The following GNAL variants were observed in gnomAD, a reference collection of about 807,000 sequenced individuals.
The protein encoded by GNAL is guanine nucleotide-binding protein G(olf) subunit alpha.
GNAL carries 18 observed loss-of-function variants against 55.1 expected under a neutral mutation model. The observed-to-expected ratio is 0.33, with a 90% confidence interval of 0.23 to 0.48. The LOEUF is 0.48. Among genes scored for constraint, GNAL ranks in the 20% least tolerant of loss-of-function variants. GNAL has a pLI of 0.99. For missense variants in GNAL, 412 were observed against 614.1 expected (o/e 0.67, Z 3.48); for synonymous variants, 253 against 237.0 (o/e 1.07, Z -0.62).
intron 4 of GNAL, among the ~76,000 whole-genome samples, chr18:11,758,896 G>C (rs903356135): frequency 6.6e-6 from 1 of 152,212 alleles, no homozygotes; most frequent in Non-Finnish European, 1.5e-5. Context: ...AAATAGGCCG[G>C]GCATGGTGGC....
intron 5 of GNAL, among the ~76,000 whole-genome samples, chr18:11,860,957 C>T (rs1231185656): frequency 1.3e-5 from 2 of 152,160 alleles, no homozygotes; most frequent in Non-Finnish European, 2.9e-5. Context: ...TGTGGGGTGG[C>T]GTTTTGTGTT....
At chr18:11,708,121 T>G (rs2031756443) in intron 1 of GNAL, among the ~76,000 whole-genome samples, 1 of 152,242 alleles carries the variant, frequency 6.6e-6, no homozygotes, top group Non-Finnish European at 1.5e-5. Context: ...TCAAGAAGTC[T>G]CTCTTGGCAT....
intron 4 of GNAL, among the ~76,000 whole-genome samples, chr18:11,805,200 A>C (rs4797582): frequency 0.78 from 53,081 of 67,660 alleles, 20,030 homozygotes; most frequent in Admixed American, 0.86. Context: ...TACAGGTGCA[A>C]TTTGAGTGGA....
At chr18:11,710,383 ATAGT>A (rs1393019285) in intron 1 of GNAL, among the ~76,000 whole-genome samples, 2 of 152,212 alleles carry the variant, frequency 1.3e-5, no homozygotes, top group Admixed American at 6.5e-5. Flanking sequence ...ACATTTTTAT[ATAGT>A]TAGTGTTAAT....
chr18:11,788,918 T>A (rs867958187), intron 4 of GNAL, among the ~76,000 whole-genome samples: 384 of 86,882 alleles, frequency 4.4e-3, no homozygotes, highest in African/African-American at 0.011. Context: ...AAAAAAAATA[T>A]ATATATATAT....
At chr18:11,761,587 C>T (rs142138713) in intron 4 of GNAL, among the ~76,000 whole-genome samples, 1 of 152,214 alleles carries the variant, frequency 6.6e-6, no homozygotes, top group African/African-American at 2.4e-5. Context: ...CTGGCCTAGT[C>T]TCAGGTTCTT....
intron 5 of GNAL, chr18:11,852,471 T>C: frequency 4.3e-6 from 1 of 234,122 alleles, no homozygotes; most frequent in East Asian, 1.0e-4. Context: ...TTAGTGTGAT[T>C]GATAGTATCT....
At chr18:11,733,425 G>A (rs866926778) in intron 1 of GNAL, among the ~76,000 whole-genome samples, 6 of 152,196 alleles carry the variant, frequency 3.9e-5, no homozygotes, top group Admixed American at 1.3e-4. Context: ...GCTGGACACA[G>A]CCAGTTCTCC....
intron 4 of GNAL, among the ~76,000 whole-genome samples, chr18:11,824,423 C>T (rs1160309255): frequency 2.0e-5 from 3 of 152,108 alleles, no homozygotes; most frequent in Non-Finnish European, 2.9e-5. Context: ...CACGGTGGCT[C>T]ACGCTTGTAA....
intron 1 of GNAL, among the ~76,000 whole-genome samples, chr18:11,740,851 T>A (rs892415051): frequency 6.6e-6 from 1 of 152,214 alleles, no homozygotes; most frequent in Admixed American, 6.5e-5. Flanking sequence ...AATGCAAACA[T>A]AGACAAATAT....
At chr18:11,764,658 G>A (rs7233178) in intron 4 of GNAL, among the ~76,000 whole-genome samples, 49,601 of 152,026 alleles carry the variant, frequency 0.33, 8,906 homozygotes, top group African/African-American at 0.48. Flanking sequence ...AAAATACACT[G>A]GGTGTGGTGG....
At chr18:11,828,790 G>C (rs145913357) in intron 5 of GNAL, among the ~76,000 whole-genome samples, 1 of 152,154 alleles carries the variant, frequency 6.6e-6, no homozygotes, top group Non-Finnish European at 1.5e-5. Context: ...TAGGCAGATC[G>C]GAATTCAGAT....
chr18:11,851,667 C>T, intron 5 of GNAL: 1 of 1,613,948 alleles, frequency 6.2e-7, no homozygotes. Context: ...GGATACACGC[C>T]GAAAATGCCA....
intron 1 of GNAL, among the ~76,000 whole-genome samples, chr18:11,697,074 T>A (rs148704106): frequency 7.9e-5 from 12 of 152,228 alleles, no homozygotes; most frequent in Middle Eastern, 3.2e-3. Flanking sequence ...ATTGAAATAA[T>A]GTATGTAAAT....
chr18:11,809,066 T>C (rs890775774), intron 4 of GNAL, among the ~76,000 whole-genome samples: 2 of 152,226 alleles, frequency 1.3e-5, no homozygotes, highest in Admixed American at 6.5e-5. Context: ...AAGACCAGCC[T>C]GGCCAACATG....
At chr18:11,765,904 T>C (rs2033391708) in intron 4 of GNAL, among the ~76,000 whole-genome samples, 1 of 152,190 alleles carries the variant, frequency 6.6e-6, no homozygotes, top group Admixed American at 6.5e-5. Flanking sequence ...TTGAATGTAT[T>C]GGAAGTTTGT....
chr18:11,785,175 A>G (rs8086766), intron 4 of GNAL, among the ~76,000 whole-genome samples: 51,907 of 151,924 alleles, frequency 0.34, 10,066 homozygotes, highest in African/African-American at 0.53. Context: ...ATGGTTTTAT[A>G]TAAGATTTCA....
intron 1 of GNAL, among the ~76,000 whole-genome samples, chr18:11,721,264 G>A (rs1229110629): frequency 1.3e-5 from 2 of 152,168 alleles, no homozygotes; most frequent in African/African-American, 2.4e-5. Context: ...AACATTGTCC[G>A]CAGAGCACTT....
At chr18:11,798,846 G>A (rs889239556) in intron 4 of GNAL, among the ~76,000 whole-genome samples, 5 of 152,116 alleles carry the variant, frequency 3.3e-5, no homozygotes, top group Admixed American at 3.3e-4. Flanking sequence ...GGCTGGGCAC[G>A]GTGGGTGGCT....
Sources: gnomAD v4.1 joint callset for allele counts (sites outside exome capture counted in the v4.1 genomes callset) on GRCh38, gnomAD v4.1.1 for gene constraint, MANE v1.5 for transcripts, NCBI Gene and HGNC (gene_info 2026-07-23, HGNC 2026-07-21) for gene names.